Variants in ARHGAP32 observed in about 807,000 individuals in gnomAD.
ARHGAP32 encodes the protein Rho GTPase activating protein 32, also known as rho GTPase-activating protein 32.
A neutral mutation model predicts 186.5 loss-of-function variants in ARHGAP32; 51 were observed. The observed-to-expected ratio is 0.27, with a 90% CI of 0.22 to 0.35. The LOEUF (loss-of-function observed/expected upper bound fraction) is 0.35, where lower values mean the gene tolerates loss of function less well. ARHGAP32 is among the 10% of genes least tolerant of loss of function. The probability of loss-of-function intolerance (pLI) is 1.00; values close to 1 mark genes in which losing one functional copy is unlikely to be tolerated. For synonymous variants in ARHGAP32, 950 were observed against 964.3 expected (o/e 0.99, Z 0.27); for missense variants, 2,186 against 2,623.5 (o/e 0.83, Z 3.64).
rs1044615421 is a variant in ARHGAP32, at chr11:128,969,266, C to G, written c.5947G>C (p.Glu1983Gln). The part of the protein sequence containing the change: ...PEKHSRDCYK[E>Q]EEHLTQSIVP... ...ATTGACTGAGTGAGGTGTTCTTCCT[C>G]CTTGTAGCAGTCTCTGGAGTGTTTC... Residue 1983 changes from glutamate to glutamine, a missense_variant, in exon 23 of 23, where the codon GAG (glutamate) becomes CAG (glutamine). Glu to Gln is a conservative substitution (Grantham distance 29). Coordinates refer to ENST00000682385, the MANE Select transcript of ARHGAP32 (RefSeq NM_001378024.1). This position sits in a 1 kb window ranked among gnomAD's most constrained non-coding sequence, Gnocchi z 4.8. 1.9e-6 allele frequency: 3 copies of G among 1,614,176 alleles called. No homozygotes were observed. Among genetic ancestry groups the G allele is most frequent in the Non-Finnish European group, 2.5e-6 (3 of 1,180,020 alleles).
At chr11:129,042,030 A>G (rs1939614861) in intron 10 of ARHGAP32, among the ~76,000 whole-genome samples, 1 of 152,242 alleles carries the variant, frequency 6.6e-6, no homozygotes, top group Non-Finnish European at 1.5e-5. Context: ...TTATTTTCAC[A>G]TACTCATTTG....
chr11:128,976,256 TAAAGGA>T (rs1038080135), intron 20 of ARHGAP32, among the ~76,000 whole-genome samples: 3 of 152,066 alleles, frequency 2.0e-5, no homozygotes, highest in Admixed American at 1.3e-4. Flanking sequence ...TTGTAAAATC[TAAAGGA>T]AACAGTAATA....
In ARHGAP32 at chr11:128,966,668, G is replaced by C. The variant is rs1404548802; in HGVS notation, c.*2239C>G. The C allele has an allele frequency of 6.6e-6, 1 of 152,156 alleles. No homozygotes were observed. The highest frequency in any genetic ancestry group is 1.5e-5 in the Non-Finnish European group (1 of 68,022). 9.4% of individuals were successfully genotyped at this position (152,156 alleles called of 1,614,324 possible). Reference sequence around the variant, plus strand: ...AGTTTCAGGACTAAACAATGTGTGTGACAACAAATCCACAAATATTAAAAC... The same window carrying C: ...AGTTTCAGGACTAAACAATGTGTGTCACAACAAATCCACAAATATTAAAAC... On this transcript the variant is annotated 3_prime_UTR_variant, in exon 23 of 23. Transcript: ENST00000682385.
chr11:129,134,976 T>TC (rs1397221067), intron 2 of ARHGAP32, among the ~76,000 whole-genome samples: 20 of 152,226 alleles, frequency 1.3e-4, no homozygotes, highest in African/African-American at 4.8e-4. Flanking sequence ...TCTAAGGTAT[T>TC]CTGTTATAGC....
chr11:129,040,948 G>T lies in ARHGAP32; in HGVS notation c.1025C>A (p.Thr342Asn), dbSNP rs1939567560. 6.2e-7 allele frequency: 1 copy of T among 1,606,394 alleles called. No homozygotes were observed. ...LINQKVPQSV[T>N]NSVPKPVSKK... is the part of the protein sequence containing the mutation. ...CTCACCTGGTTTTGGCACTGAGTTG[G>T]TCACTGACTGGGGAACTTTTTGGTT... is the stretch of plus-strand genomic sequence containing the variant. The change falls in exon 11 of 23, where the codon ACC (threonine) becomes AAC (asparagine). Residue 342 changes from threonine to asparagine, a missense_variant. By Grantham distance (65) the Thr-to-Asn change is moderately conservative. This residue lies in a region of ARHGAP32 where 308 missense variants were observed against 596.5 expected (regional missense o/e 0.52). Transcript: ENST00000682385.
At chr11:129,203,878 A>C (rs1443273375) in intron 1 of ARHGAP32, among the ~76,000 whole-genome samples, 4 of 149,682 alleles carry the variant, frequency 2.7e-5, no homozygotes, top group Admixed American at 6.7e-5. Flanking sequence ...AGCCCAGTCG[A>C]CAGAGTGAGA....
intron 9 of ARHGAP32, among the ~76,000 whole-genome samples, chr11:129,063,011 C>T (rs1940561550): frequency 6.6e-6 from 1 of 151,922 alleles, no homozygotes; most frequent in Non-Finnish European, 1.5e-5. Context: ...ATAAAAATTA[C>T]AATAGTTTTT....
chr11:129,198,708 A>T (rs764868394), intron 1 of ARHGAP32, among the ~76,000 whole-genome samples: 11 of 152,190 alleles, frequency 7.2e-5, no homozygotes, highest in Non-Finnish European at 1.6e-4. Flanking sequence ...TGTCTTTATC[A>T]GCAGTGTGAA....
At chr11:129,007,145 G>A (rs1393901050) in intron 11 of ARHGAP32, among the ~76,000 whole-genome samples, 1 of 151,966 alleles carries the variant, frequency 6.6e-6, no homozygotes, top group African/African-American at 2.4e-5. Flanking sequence ...CTCTGGCCCA[G>A]GGCGGGTCTA....
At chr11:129,248,179 CAGGCACCTGT>C (rs1945127736) in intron 1 of ARHGAP32, among the ~76,000 whole-genome samples, 1 of 143,616 alleles carries the variant, frequency 7.0e-6, no homozygotes, top group Admixed American at 7.1e-5. Flanking sequence ...GGCGTGGTGG[CAGGCACCTGT>C]AGTCCCAGCT....
intron 1 of ARHGAP32, among the ~76,000 whole-genome samples, chr11:129,268,980 T>TA (rs767844762): frequency 6.6e-6 from 1 of 152,124 alleles, no homozygotes; most frequent in African/African-American, 2.4e-5. Flanking sequence ...GGTTATAAAT[T>TA]AAACACATGG....
chr11:129,040,330 A>AT (rs564103265), intron 11 of ARHGAP32, among the ~76,000 whole-genome samples: 2 of 151,490 alleles, frequency 1.3e-5, no homozygotes, highest in South Asian at 2.1e-4. Context: ...CTTTGTTTGA[A>AT]TTTTTTTTTA....
rs535887989 is a variant in ARHGAP32 at position 129,202,782 on chromosome 11, C to A, written c.-4-38355G>T. ...CCCAATATTTACTGTTGAATTCACACGCCACATCACTTTGTCTCATTGCTT... is the reference window on the plus strand; with the variant it reads ...CCCAATATTTACTGTTGAATTCACAAGCCACATCACTTTGTCTCATTGCTT... On this transcript the variant is annotated intron_variant, in intron 1 of 6. Coordinates refer to the ARHGAP32 transcript ENST00000525234. Among the ~76,000 whole-genome samples the A allele has an allele frequency of 9.9e-5, 15 of 152,254 alleles. No homozygotes were observed. In the South Asian group the frequency reaches 2.9e-3, roughly 29 times the overall value.
chr11:129,014,433 C>T (rs1336686102), intron 11 of ARHGAP32, among the ~76,000 whole-genome samples: 1 of 152,158 alleles, frequency 6.6e-6, no homozygotes, highest in Non-Finnish European at 1.5e-5. Flanking sequence ...ATAATACTTT[C>T]TCTAAAGTTC....
chr11:129,259,919 C>A (rs894411867), intron 1 of ARHGAP32, among the ~76,000 whole-genome samples: 1 of 152,102 alleles, frequency 6.6e-6, no homozygotes, highest in African/African-American at 2.4e-5. Context: ...GGTCATTCAA[C>A]AATTCTGTAG....
At chr11:129,070,904 A>C (rs989078439) in intron 6 of ARHGAP32, among the ~76,000 whole-genome samples, 1 of 152,006 alleles carries the variant, frequency 6.6e-6, no homozygotes, top group East Asian at 1.9e-4. Flanking sequence ...ACAATTTCAT[A>C]TTTCTCAGTC....
chr11:129,120,999 T>C (rs1006026528), intron 5 of ARHGAP32, among the ~76,000 whole-genome samples: 1 of 152,076 alleles, frequency 6.6e-6, no homozygotes, highest in African/African-American at 2.4e-5. Flanking sequence ...TCCAACCTTA[T>C]ATTGAAAATA....
intron 6 of ARHGAP32, among the ~76,000 whole-genome samples, chr11:129,086,560 G>A (rs1014970284): frequency 3.3e-5 from 5 of 152,180 alleles, no homozygotes; most frequent in East Asian, 1.9e-4. Context: ...GGTGGCTCAC[G>A]CCTGTAATCC....
rs577950937 is a variant in ARHGAP32, at chr11:129,146,780, T to TA, written c.225+17538dup. ...CCAAAATTTCCAGCTCCTTTTTAGA[T>TA]ATGTTTATTAAAAAACTAATATTCT... On this transcript the variant is annotated intron_variant, in intron 2 of 22. Transcript: ENST00000682385. Among the ~76,000 whole-genome samples, 226 of 152,202 alleles carry TA rather than the reference T, an allele frequency of 1.5e-3. 1 individual carries two copies. The highest frequency in any genetic ancestry group is 5.0e-3 in the African/African-American group (209 of 41,586).
Sources: allele counts gnomAD v4.1 joint callset (sites outside exome capture counted in the v4.1 genomes callset), GRCh38; gene constraint gnomAD v4.1.1; regional missense constraint gnomAD v4.1.1; non-coding constraint Gnocchi (gnomAD v3.1); transcripts MANE v1.5; gene names NCBI Gene and HGNC (gene_info 2026-07-23, HGNC 2026-07-21).